Variants in POM121C observed in about 807,000 individuals in gnomAD.
POM121C encodes POM121 transmembrane nucleoporin C, also known as nuclear envelope pore membrane protein POM 121C.
In POM121C, 20 loss-of-function variants were observed where a neutral mutation model predicts 66.4. That is an observed-to-expected ratio of 0.30 (90% confidence interval 0.21 to 0.44). The LOEUF (loss-of-function observed/expected upper bound fraction) is 0.44, where lower values mean the gene tolerates loss of function less well. Ranked by LOEUF, POM121C falls within the 20% of genes least tolerant of loss-of-function variation. The pLI is 1.00. For missense variants in POM121C, 580 were observed against 1,225.7 expected, an observed-to-expected ratio of 0.47 and a Z score of 7.87; for synonymous variants, 286 against 528.0, an observed-to-expected ratio of 0.54 and a Z score of 6.28.
chr7:75,443,029 C>T (rs1245965378), intron 3 of POM121C, among the ~76,000 whole-genome samples: 4 of 152,160 alleles, frequency 2.6e-5, no homozygotes, highest in Non-Finnish European at 5.9e-5. Flanking sequence ...TATGTAATTC[C>T]TAATCCGTGA....
intron 3 of POM121C, among the ~76,000 whole-genome samples, chr7:75,463,595 G>T (rs587630011): frequency 1.3e-5 from 2 of 151,682 alleles, no homozygotes; most frequent in Admixed American, 1.3e-4. Context: ...TGTTTAGAAA[G>T]TCACTGAACA....
intron 3 of POM121C, chr7:75,442,563 C>T (rs1790694349): frequency 2.7e-6 from 4 of 1,475,638 alleles, no homozygotes; most frequent in Non-Finnish European, 3.6e-6. Flanking sequence ...GCCAGCGCAG[C>T]CGCAGCAGGC....
intron 7 of POM121C, among the ~76,000 whole-genome samples, chr7:75,435,924 G>A (rs1207471817): frequency 6.6e-6 from 1 of 152,140 alleles, no homozygotes; most frequent in Non-Finnish European, 1.5e-5. Flanking sequence ...GGTGGCCAGA[G>A]CCTGTAATCC....
At chr7:75,447,917 G>A (rs1221163448) in intron 3 of POM121C, among the ~76,000 whole-genome samples, 1 of 151,890 alleles carries the variant, frequency 6.6e-6, no homozygotes, top group Non-Finnish European at 1.5e-5. Flanking sequence ...CCAGCTGCTC[G>A]GGAGGCTGAG....
Position 75,474,886 on chromosome 7 carries a change from C to T in POM121C, c.-330-4G>A. On this transcript the variant is annotated splice_region_variant and splice_polypyrimidine_tract_variant and intron_variant, in intron 2 of 14. Coordinates refer to ENST00000615331, the MANE Select transcript of POM121C (RefSeq NM_001099415.3). ...CAAGATGTTGCCACCTCATAAGCTG[C>T]ATAACAGAAATGCTCCATTTTTTAC... 1 of 1,114,416 alleles carries T rather than the reference C, an allele frequency of 9.0e-7. No homozygotes were observed. Among genetic ancestry groups the T allele is most frequent in the Non-Finnish European group, 1.3e-6 (1 of 752,090 alleles). 69.0% of individuals were successfully genotyped at this position (1,114,416 alleles called of 1,614,324 possible). A position where few individuals can be genotyped will look rare whatever the true frequency, so the allele number is the denominator to read the frequency against.
At chr7:75,450,125 A>T (rs1310044528) in intron 3 of POM121C, among the ~76,000 whole-genome samples, 1 of 152,254 alleles carries the variant, frequency 6.6e-6, no homozygotes, top group Non-Finnish European at 1.5e-5. Context: ...CACTCTGAAG[A>T]AGTCAGCCCT....
chr7:75,453,450 C>T (rs1162319589), intron 3 of POM121C, among the ~76,000 whole-genome samples: 1 of 151,214 alleles, frequency 6.6e-6, no homozygotes, highest in Non-Finnish European at 1.5e-5. Context: ...GGCATAGTGG[C>T]GCATGCCTGT....
intron 3 of POM121C, among the ~76,000 whole-genome samples, chr7:75,463,469 T>A (rs1371225247): frequency 3.3e-5 from 5 of 150,296 alleles, no homozygotes; most frequent in African/African-American, 4.9e-5. Flanking sequence ...TTTTTTTTTT[T>A]ACCTTTGGCA....
At chr7:75,479,274 T>A (rs1435689350) in intron 1 of POM121C, among the ~76,000 whole-genome samples, 4 of 151,950 alleles carry the variant, frequency 2.6e-5, no homozygotes, top group Admixed American at 2.0e-4. Flanking sequence ...GAATGAAGAG[T>A]ACCAGAAATG....
chr7:75,435,419 T>A (rs1584665522), intron 7 of POM121C, among the ~76,000 whole-genome samples: 1 of 152,242 alleles, frequency 6.6e-6, no homozygotes, highest in East Asian at 1.9e-4. Context: ...AGGAAAAATG[T>A]AGAGTGGAAA....
chr7:75,476,230 A>G (rs587756843), intron 1 of POM121C, among the ~76,000 whole-genome samples: 39 of 152,054 alleles, frequency 2.6e-4, no homozygotes, highest in African/African-American at 7.7e-4. Context: ...GGTCAAGGCT[A>G]CAGTGAGCTG....
chr7:75,464,843 C>T (rs1309855991), intron 3 of POM121C, among the ~76,000 whole-genome samples: 1 of 12,094 alleles, frequency 8.3e-5, no homozygotes, highest in African/African-American at 3.3e-4. Context: ...GTGACAAGAA[C>T]GAAACTCCAT....
At chr7:75,433,280 CCT>C (rs1192527283) in intron 7 of POM121C, among the ~76,000 whole-genome samples, 1 of 144,274 alleles carries the variant, frequency 6.9e-6, no homozygotes, top group Non-Finnish European at 1.5e-5. Flanking sequence ...GTAAAAATTT[CCT>C]TTTTATCTCA....
chr7:75,435,184 T>A (rs1563142435), intron 7 of POM121C, among the ~76,000 whole-genome samples: 1 of 152,222 alleles, frequency 6.6e-6, no homozygotes, highest in Non-Finnish European at 1.5e-5. Context: ...CGTTTGTCAA[T>A]AGAGGACTAG....
At chr7:75,419,658 G>A (rs1277339725) in intron 13 of POM121C, 5 of 577,708 alleles carry the variant, frequency 8.7e-6, no homozygotes, top group South Asian at 7.0e-5. Flanking sequence ...TAATGGCCAC[G>A]CCAGGGCAGA....
rs587700525 is a variant in POM121C at position 75,474,851 on chromosome 7, C to A, written c.-299G>T. On this transcript the variant is annotated 5_prime_UTR_variant, in exon 3 of 15. Transcript: ENST00000615331. ...TGGGCAAGTTGCTCGGCTTCAGAAT[C>A]TCCGAAGTACAAGATGTTGCCACCT... The A allele has an allele frequency of 4.2e-5, 54 of 1,290,884 alleles. No homozygotes were observed. In the African/African-American group the frequency reaches 7.2e-4, roughly 17 times the overall value. The allele number at this position is 1,290,884 out of a possible 1,614,324, so 80.0% of individuals were successfully genotyped here. A position where few individuals can be genotyped will look rare whatever the true frequency, so the allele number is the denominator to read the frequency against.
intron 1 of POM121C, among the ~76,000 whole-genome samples, chr7:75,484,744 G>A (rs587721933): frequency 6.7e-6 from 1 of 148,940 alleles, no homozygotes; most frequent in East Asian, 1.9e-4. Context: ...AATTAGATGA[G>A]TTAGACTCTC....
rs1554473207 is a variant in POM121C at position 75,437,693 on chromosome 7, A to G, written c.309-7T>C. On this transcript the variant is annotated splice_region_variant and splice_polypyrimidine_tract_variant and intron_variant, in intron 6 of 14. Transcript: ENST00000615331. Reference sequence around the variant, plus strand: ...TCTCTTCAGAGACCCAGGCCTAATAAAAGAGAAGACAGTTAGATGCTTTAT... The same window carrying G: ...TCTCTTCAGAGACCCAGGCCTAATAGAAGAGAAGACAGTTAGATGCTTTAT... 2 of 1,589,468 alleles carry G rather than the reference A, an allele frequency of 1.3e-6. No homozygotes were observed. Among genetic ancestry groups the G allele is most frequent in the South Asian group, 1.1e-5 (1 of 89,474 alleles).
chr7:75,456,652 T>A (rs1791225556), intron 3 of POM121C, among the ~76,000 whole-genome samples: 1 of 152,278 alleles, frequency 6.6e-6, no homozygotes. Context: ...AGATGGGACA[T>A]GAGACACAAT....
Sources: allele counts gnomAD v4.1 joint callset (sites outside exome capture counted in the v4.1 genomes callset), GRCh38; gene constraint gnomAD v4.1.1; transcripts MANE v1.5; gene names NCBI Gene and HGNC (gene_info 2026-07-23, HGNC 2026-07-21).